MYH9: variants seen among roughly 807,000 people sequenced by gnomAD.
MYH9 encodes the protein myosin heavy chain 9.
A neutral mutation model predicts 241.9 loss-of-function variants in MYH9; 29 were observed. The observed-to-expected ratio is 0.12, with a 90% CI of 0.09 to 0.16. The LOEUF (loss-of-function observed/expected upper bound fraction) is 0.16. Ranked by LOEUF, MYH9 falls within the 10% of genes least tolerant of loss-of-function variation. The pLI is 1.00. For synonymous variants in MYH9, 1,047 were observed against 1,062.6 expected, an observed-to-expected ratio of 0.99 and a Z score of 0.29; for missense variants, 1,803 against 2,595.5, an observed-to-expected ratio of 0.69 and a Z score of 6.63.
At chr22:36,317,899 A>G (rs2017184180) in intron 11 of MYH9, among the ~76,000 whole-genome samples, 3 of 152,260 alleles carry the variant, frequency 2.0e-5, no homozygotes, top group Non-Finnish European at 4.4e-5. Context: ...CTGCTTTTAT[A>G]CCAGACAGGA....
chr22:36,312,883 C>A (rs1168972742), intron 13 of MYH9, among the ~76,000 whole-genome samples: 1 of 151,212 alleles, frequency 6.6e-6, no homozygotes, highest in African/African-American at 2.4e-5. Context: ...CCGAGGCGGG[C>A]GGATCACCTA....
chr22:36,304,202 G>A lies in MYH9; in HGVS notation c.2230-47C>T, dbSNP rs768881542. ...TTTACCTGGCCAGCAACTGGCCACA[G>A]CTCCATGAAAGGGTGGCCCAGGCAC... On this transcript the variant is annotated intron_variant, in intron 18 of 40. Transcript: ENST00000216181. The A allele has an allele frequency of 3.1e-6, 5 of 1,603,510 alleles. No homozygotes were observed. The Admixed American group carries it at 8.3e-5, about 27-fold the overall frequency.
At chr22:36,284,962 C>T (rs529437529) in intron 38 of MYH9, among the ~76,000 whole-genome samples, 159 bp downstream of exon 38, 2 of 152,288 alleles carry the variant, frequency 1.3e-5, no homozygotes, top group Non-Finnish European at 2.9e-5. Flanking sequence ...CCCCAACCAC[C>T]CAACCTGTGG....
At chr22:36,308,520 C>T (rs1017985351) in intron 15 of MYH9, among the ~76,000 whole-genome samples, 3 of 151,960 alleles carry the variant, frequency 2.0e-5, no homozygotes, top group African/African-American at 4.8e-5. Context: ...GCAATCCTCC[C>T]GCCTCAGCCT....
chr22:36,313,662 T>C (rs112473964), intron 13 of MYH9, among the ~76,000 whole-genome samples: 2,978 of 103,016 alleles, frequency 0.029, 94 homozygotes, highest in African/African-American at 0.074. Context: ...TGCTTGCTGG[T>C]TTTATGGGGG....
At chr22:36,301,149 G>A in intron 21 of MYH9, 92 bp from the exon 22 acceptor site, 1 of 1,275,770 alleles carries the variant, frequency 7.8e-7, no homozygotes, top group Non-Finnish European at 1.1e-6. Context: ...GGATCCCAGA[G>A]GGAAAGGAAC....
At chr22:36,338,138 C>T (rs1432204312) in intron 3 of MYH9, among the ~76,000 whole-genome samples, 2 of 152,034 alleles carry the variant, frequency 1.3e-5, no homozygotes, top group East Asian at 1.9e-4. Flanking sequence ...GTTGGGACTA[C>T]AGGCGTGCGC....
chr22:36,369,274 G>A lies in MYH9; in HGVS notation c.-20+18533C>T, dbSNP rs142206442. Among the ~76,000 whole-genome samples, 209 of 152,358 alleles carry A rather than the reference G, an allele frequency of 1.4e-3. 1 individual carries two copies. Among genetic ancestry groups the A allele is most frequent in the African/African-American group, 4.9e-3 (202 of 41,574 alleles). Reference sequence around the variant, plus strand: ...AACTAACCCCAGGTAGAGTTCAGGGGAAGACGTTGAGGTGCTGATGGAGAC... The same window carrying A: ...AACTAACCCCAGGTAGAGTTCAGGGAAAGACGTTGAGGTGCTGATGGAGAC... On this transcript the variant is annotated intron_variant, in intron 1 of 40. Coordinates refer to ENST00000216181, the MANE Select transcript of MYH9 (RefSeq NM_002473.6).
At chr22:36,323,799 A>G (rs772384683) in intron 5 of MYH9, among the ~76,000 whole-genome samples, 26 of 152,136 alleles carry the variant, frequency 1.7e-4, no homozygotes, top group Non-Finnish European at 3.5e-4. Context: ...AACCATCCAG[A>G]CAAGTGAGGG....
chr22:36,334,453 T>A (rs977340947), intron 3 of MYH9, among the ~76,000 whole-genome samples: 7 of 152,202 alleles, frequency 4.6e-5, no homozygotes, highest in African/African-American at 1.7e-4. Context: ...TGAGGCCACA[T>A]CAGCCCCAGG....
chr22:36,316,006 C>A (rs1049318441), intron 12 of MYH9, among the ~76,000 whole-genome samples: 1 of 151,408 alleles, frequency 6.6e-6, no homozygotes, highest in Admixed American at 6.6e-5. Flanking sequence ...CCTCTGTACT[C>A]CAGCCTGAGT....
At chr22:36,377,804 G>A (rs1224078091) in intron 1 of MYH9, among the ~76,000 whole-genome samples, 1 of 152,126 alleles carries the variant, frequency 6.6e-6, no homozygotes, top group South Asian at 2.1e-4. Flanking sequence ...TCAGCTACTC[G>A]GGAGGCTGAG....
intron 30 of MYH9, 140 bp from the exon 31 acceptor site, chr22:36,292,374 C>T: frequency 2.1e-5 from 24 of 1,122,302 alleles, no homozygotes; most frequent in Non-Finnish European, 2.9e-5. Flanking sequence ...AACCGCCTCC[C>T]CCAGTCACTT....
Position 36,282,448 on chromosome 22 carries a change from A to G in MYH9, c.*220T>C. On this transcript the variant is annotated 3_prime_UTR_variant, in exon 41 of 41. Coordinates refer to ENST00000216181, the MANE Select transcript of MYH9 (RefSeq NM_002473.6). ...CCGGGCCCTGTCTCTTTGGTATCAG[A>G]TTCTGAGCAGGGGAGGGAGCTGGAA... 1 of 673,796 alleles carries G rather than the reference A, an allele frequency of 1.5e-6. No individual in the cohort carries two copies. Among genetic ancestry groups the G allele is most frequent in the Non-Finnish European group, 2.7e-6 (1 of 371,024 alleles). 41.7% of individuals were successfully genotyped at this position (673,796 alleles called of 1,614,324 possible). A position where few individuals can be genotyped will look rare whatever the true frequency, so the allele number is the denominator to read the frequency against.
chr22:36,344,095 G>A (rs1005948986), intron 2 of MYH9, among the ~76,000 whole-genome samples: 3 of 152,238 alleles, frequency 2.0e-5, no homozygotes, highest in African/African-American at 7.2e-5. Flanking sequence ...AAGTTCTCTG[G>A]GCTAATCCCG....
At position 36,300,926 on chromosome 22, in the gene MYH9, C is replaced by T. The variant is rs1313889433; in HGVS notation, c.2763G>A (p.Glu921=). The T allele has an allele frequency of 3.1e-6, 5 of 1,609,434 alleles. No individual in the cohort carries two copies. Among genetic ancestry groups the T allele is most frequent in the African/African-American group, 1.3e-5 (1 of 74,936 alleles). The change falls in exon 22 of 41, where the codon GAG becomes GAA. Residue 921 remains glutamate (E), a synonymous_variant. Transcript: ENST00000216181. This position sits in a 1 kb window ranked among gnomAD's most constrained non-coding sequence, Gnocchi z 5.0. ...GCTCCTCCTCCTCCTCCACCCTGGC[C>T]TCTAGGTCATGGCAGATCTCTTCTA... ...QELEEICHDL[E]ARVEEEEERC... is the part of the protein sequence containing the mutation.
chr22:36,346,229 G>A (rs998607375), intron 2 of MYH9, among the ~76,000 whole-genome samples: 2 of 151,986 alleles, frequency 1.3e-5, no homozygotes, highest in African/African-American at 4.8e-5. Flanking sequence ...TCTTTGATGA[G>A]CCAGGTTCAT....
rs778517970 is a variant in MYH9, at chr22:36,316,565, G to T, written c.1332C>A (p.Gly444=). 2.5e-6 allele frequency: 4 copies of T among 1,614,010 alleles called. No homozygotes were observed. In the East Asian group the frequency reaches 8.9e-5, roughly 36 times the overall value. ...TGTCCAGGATCCCGATGAAGGAGGCGCCCTGCCTCTTGGTCTTGTCCAGAG... is the reference window on the plus strand; with the variant it reads ...TGTCCAGGATCCCGATGAAGGAGGCTCCCTGCCTCTTGGTCTTGTCCAGAG... The part of the protein sequence containing the change: ...NKALDKTKRQ[G]ASFIGILDIA... The change falls in exon 12 of 41, where the codon GGC becomes GGA. Residue 444 remains glycine, a synonymous_variant. Transcript: ENST00000216181.
At chr22:36,340,118 G>A (rs1451537130) in intron 3 of MYH9, among the ~76,000 whole-genome samples, 1 of 151,804 alleles carries the variant, frequency 6.6e-6, no homozygotes, top group African/African-American at 2.4e-5. Flanking sequence ...GTAGGCAAGG[G>A]GCCAATTTTG....
Sources: allele counts gnomAD v4.1 joint callset (sites outside exome capture counted in the v4.1 genomes callset), GRCh38; gene constraint gnomAD v4.1.1; non-coding constraint Gnocchi (gnomAD v3.1); transcripts MANE v1.5; gene names NCBI Gene and HGNC (gene_info 2026-07-23, HGNC 2026-07-21).